The following PRDM16 variants were observed in gnomAD, a reference collection of about 807,000 sequenced individuals.
PRDM16 encodes the protein PR/SET domain 16, also known as histone-lysine N-methyltransferase PRDM16.
Under a neutral mutation model 110.6 loss-of-function variants are expected in PRDM16, and 23 were observed. That is an observed-to-expected ratio of 0.21 (90% confidence interval 0.15 to 0.29). PRDM16 has a LOEUF of 0.29. Ranked by LOEUF, PRDM16 falls within the 10% of genes least tolerant of loss-of-function variation. The probability of loss-of-function intolerance (pLI) is 1.00; values close to 1 mark genes in which losing one functional copy is unlikely to be tolerated. For synonymous variants in PRDM16, 799 were observed against 781.8 expected (o/e 1.02, Z -0.37); for missense variants, 1,615 against 1,794.3 (o/e 0.90, Z 1.81).
At chr1:3,327,929 C>G (rs1364392605) in intron 3 of PRDM16, among the ~76,000 whole-genome samples, 1 of 152,244 alleles carries the variant, frequency 6.6e-6, no homozygotes, top group African/African-American at 2.4e-5. Flanking sequence ...ACCTCACCCA[C>G]AGCACAGAAA....
Position 3,121,205 on chromosome 1 carries a change from G to C in PRDM16, c.37+51909G>C, listed in dbSNP as rs78528126. Among the ~76,000 whole-genome samples, 12 of 152,320 alleles carry C rather than the reference G, an allele frequency of 7.9e-5. 1 individual carries two copies. In the East Asian group the frequency reaches 2.3e-3, roughly 29 times the overall value. On this transcript the variant is annotated intron_variant, in intron 1 of 16. Coordinates refer to ENST00000270722, the MANE Select transcript of PRDM16 (RefSeq NM_022114.4). Reference sequence around the variant, plus strand: ...CTGGCCCCCGAGCTGCGTAAGATCAGCTGGCCTGGTCAGGACGGAGCCTGC... The same window carrying C: ...CTGGCCCCCGAGCTGCGTAAGATCACCTGGCCTGGTCAGGACGGAGCCTGC...
At chr1:3,389,724 C>T (rs1260812771) in intron 4 of PRDM16, among the ~76,000 whole-genome samples, 1 of 152,246 alleles carries the variant, frequency 6.6e-6, no homozygotes, top group Non-Finnish European at 1.5e-5. Context: ...GCTCCTGAAG[C>T]GGCGCAGGCT....
At chr1:3,326,120 C>CCTT (rs1641898653) in intron 3 of PRDM16, among the ~76,000 whole-genome samples, 6 of 142,110 alleles carry the variant, frequency 4.2e-5, no homozygotes, top group African/African-American at 1.6e-4. Context: ...CCTTGGCCCT[C>CCTT]GTTGGCCATC....
chr1:3,214,272 C>T (rs972597657), intron 2 of PRDM16, among the ~76,000 whole-genome samples: 1 of 152,314 alleles, frequency 6.6e-6, no homozygotes, highest in African/African-American at 2.4e-5. Flanking sequence ...CAACTTCCAA[C>T]CCTAACACTC....
At chr1:3,114,938 C>G (rs551911803) in intron 1 of PRDM16, among the ~76,000 whole-genome samples, 1 of 152,270 alleles carries the variant, frequency 6.6e-6, no homozygotes, top group Non-Finnish European at 1.5e-5. Context: ...TCCCTGCACA[C>G]TTGGCCAAGG....
At chr1:3,221,504 C>T (rs1639149613) in intron 2 of PRDM16, among the ~76,000 whole-genome samples, 1 of 152,246 alleles carries the variant, frequency 6.6e-6, no homozygotes, top group African/African-American at 2.4e-5. Context: ...TCTCTAAGCA[C>T]TGCATGTTCT....
intron 1 of PRDM16, among the ~76,000 whole-genome samples, chr1:3,085,756 G>C (rs1642135074): frequency 6.6e-6 from 1 of 152,220 alleles, no homozygotes; most frequent in Admixed American, 6.5e-5. Context: ...CTGCCGCCTG[G>C]GTTGACCTTC....
intron 4 of PRDM16, among the ~76,000 whole-genome samples, chr1:3,396,046 T>C (rs914474931): frequency 1.3e-5 from 2 of 152,186 alleles, no homozygotes; most frequent in Non-Finnish European, 2.9e-5. Flanking sequence ...GCGCAGCTCA[T>C]GGCCACTTTC....
intron 1 of PRDM16, among the ~76,000 whole-genome samples, chr1:3,079,091 G>C (rs932515260): frequency 2.8e-4 from 43 of 152,352 alleles, no homozygotes; most frequent in Middle Eastern, 3.4e-3. Flanking sequence ...CGACGGCTCC[G>C]GGCATTAATC....
intron 10 of PRDM16, among the ~76,000 whole-genome samples, chr1:3,416,831 C>T (rs1557664924): frequency 6.6e-6 from 1 of 152,208 alleles, no homozygotes; most frequent in Non-Finnish European, 1.5e-5. Context: ...CCTTTTGCTA[C>T]CCCTCAGGGG....
Position 3,412,547 on chromosome 1 carries a change from C to T in PRDM16, c.2350C>T (p.Pro784Ser), listed in dbSNP as rs183595422. The stretch of plus-strand genomic sequence containing the variant: ...CACCACCAAGCCCAAAGACGTGAAG[C>T]CCATCCTGCCCATGCCCAAGGGCCC... ...DLTTKPKDVK[P>S]ILPMPKGPSA... Residue 784 changes from proline to serine, a missense_variant, in exon 9 of 17, where the codon CCC becomes TCC. This residue lies in a region of PRDM16 where 772 missense variants were observed against 748.3 expected (regional missense o/e 1.03). Coordinates refer to ENST00000270722, the MANE Select transcript of PRDM16 (RefSeq NM_022114.4). 6 of 1,612,054 alleles carry T rather than the reference C, an allele frequency of 3.7e-6. No homozygotes were observed. The highest frequency in any genetic ancestry group is 5.1e-6 in the Non-Finnish European group (6 of 1,179,946).
chr1:3,077,346 C>A (rs1641923328), intron 1 of PRDM16, among the ~76,000 whole-genome samples: 1 of 152,228 alleles, frequency 6.6e-6, no homozygotes. Context: ...GGTCCCCAGC[C>A]CCACGCTGGC....
intron 2 of PRDM16, among the ~76,000 whole-genome samples, chr1:3,227,657 C>T (rs1259819214): frequency 6.6e-6 from 1 of 152,248 alleles, no homozygotes; most frequent in Non-Finnish European, 1.5e-5. Context: ...GCTCCGGGAC[C>T]TGGTTTGGTA....
intron 1 of PRDM16, among the ~76,000 whole-genome samples, chr1:3,152,193 C>CA (rs1359637458): frequency 1.3e-5 from 2 of 152,176 alleles, no homozygotes; most frequent in African/African-American, 2.4e-5. Flanking sequence ...GTGGGGAAGG[C>CA]AGGAGTCTCT....
intron 1 of PRDM16, among the ~76,000 whole-genome samples, chr1:3,138,836 C>A (rs546128584): frequency 3.9e-5 from 6 of 152,162 alleles, no homozygotes; most frequent in Non-Finnish European, 5.9e-5. Flanking sequence ...GGCACACAGC[C>A]GGCTTTCCCT....
intron 2 of PRDM16, 53 bp downstream of exon 2, chr1:3,186,527 A>G (rs1644270701): frequency 3.3e-6 from 4 of 1,212,024 alleles, no homozygotes; most frequent in Non-Finnish European, 2.3e-6. Context: ...CTTGTGTTCA[A>G]TCTATTTATA....
At chr1:3,383,144 C>A (rs923799834) in intron 3 of PRDM16, among the ~76,000 whole-genome samples, 4 of 152,206 alleles carry the variant, frequency 2.6e-5, no homozygotes, top group Non-Finnish European at 4.4e-5. Context: ...TGGAGCAGAG[C>A]AGCCACAGCC....
At position 3,434,161 on chromosome 1, in the gene PRDM16, T is replaced by A. The variant is rs1569797999; in HGVS notation, c.*350T>A. The A allele has an allele frequency of 3.1e-6, 1 of 324,640 alleles. No homozygotes were observed. The highest frequency in any genetic ancestry group is 4.6e-5 in the Admixed American group (1 of 21,582). 20.1% of individuals were successfully genotyped at this position (324,640 alleles called of 1,614,324 possible). A position where few individuals can be genotyped will look rare whatever the true frequency, so the allele number is the denominator to read the frequency against. On this transcript the variant is annotated 3_prime_UTR_variant, in exon 17 of 17. Coordinates refer to ENST00000270722, the MANE Select transcript of PRDM16 (RefSeq NM_022114.4). Reference sequence around the variant, plus strand: ...TGGTGGCCACTGCCGGGTGCCCGCGTGGGGTCGCGGAAGGGAATGGATAGA... The same window carrying A: ...TGGTGGCCACTGCCGGGTGCCCGCGAGGGGTCGCGGAAGGGAATGGATAGA...
At chr1:3,334,064 A>T (rs1642096978) in intron 3 of PRDM16, among the ~76,000 whole-genome samples, 1 of 152,220 alleles carries the variant, frequency 6.6e-6, no homozygotes, top group Non-Finnish European at 1.5e-5. Context: ...AGTGCAGCTG[A>T]CCTGGCACAG....
Sources: gnomAD v4.1 joint callset for allele counts (sites outside exome capture counted in the v4.1 genomes callset) on GRCh38, gnomAD v4.1.1 for gene constraint, gnomAD v4.1.1 regional missense constraint, MANE v1.5 for transcripts, NCBI Gene and HGNC (gene_info 2026-07-23, HGNC 2026-07-21) for gene names.